The following SEMA6D variants were observed in gnomAD, a reference collection of about 807,000 sequenced individuals.
SEMA6D encodes the protein semaphorin-6D.
A neutral mutation model predicts 106.6 loss-of-function variants in SEMA6D; 35 were observed. That is an observed-to-expected ratio of 0.33 (90% confidence interval 0.25 to 0.44). The LOEUF is 0.44. SEMA6D is among the 20% of genes least tolerant of loss of function. The pLI is 1.00. For synonymous variants in SEMA6D, 499 were observed against 487.7 expected (o/e 1.02, Z -0.31); for missense variants, 1,185 against 1,345.9 (o/e 0.88, Z 1.87).
At chr15:47,247,185 G>A (rs910383805) in intron 1 of SEMA6D, among the ~76,000 whole-genome samples, 1 of 152,190 alleles carries the variant, frequency 6.6e-6, no homozygotes, top group African/African-American at 2.4e-5. Flanking sequence ...GACCTGAAAC[G>A]ACTAATAAGA....
rs548636835 is a variant in SEMA6D at position 47,527,465 on chromosome 15, C to T, written c.-87+56920C>T. Among the ~76,000 whole-genome samples, 420 of 148,090 alleles carry T rather than the reference C, an allele frequency of 2.8e-3. 8 individuals are homozygous for T. The highest frequency in any genetic ancestry group is 0.025 in the Admixed American group (376 of 15,174). On this transcript the variant is annotated intron_variant, in intron 3 of 19. Transcript: ENST00000558014. Reference sequence around the variant, plus strand: ...GATCTAGTTCCAAAAGAAAACCAGCCTTTCAAAGATTTTCTGTGAAATTAA... The same window carrying T: ...GATCTAGTTCCAAAAGAAAACCAGCTTTTCAAAGATTTTCTGTGAAATTAA...
chr15:47,425,467 A>G (rs1048432279), intron 2 of SEMA6D, among the ~76,000 whole-genome samples: 2 of 152,034 alleles, frequency 1.3e-5, no homozygotes, highest in Non-Finnish European at 2.9e-5. Context: ...CTGACCCCCA[A>G]CAGAATCCTA....
chr15:47,301,994 T>G (rs750003410), intron 1 of SEMA6D, among the ~76,000 whole-genome samples: 9 of 152,188 alleles, frequency 5.9e-5, no homozygotes, highest in Non-Finnish European at 1.3e-4. Context: ...AGAAAAAAGT[T>G]GACAATCACA....
At chr15:47,285,312 A>G (rs1832744703) in intron 1 of SEMA6D, among the ~76,000 whole-genome samples, 1 of 152,030 alleles carries the variant, frequency 6.6e-6, no homozygotes, top group Admixed American at 6.6e-5. Context: ...AGTAGAGGAA[A>G]TATATAATCT....
chr15:47,499,044 G>A (rs993514239), intron 3 of SEMA6D, among the ~76,000 whole-genome samples: 5 of 152,164 alleles, frequency 3.3e-5, no homozygotes, highest in Non-Finnish European at 7.4e-5. Context: ...CACTTTTTGT[G>A]CACTTGCTGT....
In SEMA6D at chr15:47,244,719, CA is replaced by C. The variant is rs1192416939; in HGVS notation, c.-239+60302del. On this transcript the variant is annotated intron_variant, in intron 1 of 19. Coordinates refer to the SEMA6D transcript ENST00000558014. Reference sequence around the variant, plus strand: ...ATAACTTCAACTTTTATTTTAGATTCAGGGGGTATATGTGCATGTTTGATAC... The same window carrying C: ...ATAACTTCAACTTTTATTTTAGATTCGGGGGTATATGTGCATGTTTGATAC... 3.3e-5 allele frequency among the ~76,000 whole-genome samples: 5 copies of C among 152,240 alleles called. No individual in the cohort carries two copies. The South Asian group carries it at 8.3e-4, about 25-fold the overall frequency.
chr15:47,298,091 C>T (rs575899680), intron 1 of SEMA6D, among the ~76,000 whole-genome samples: 1 of 152,280 alleles, frequency 6.6e-6, no homozygotes, highest in East Asian at 1.9e-4. Context: ...AACAGGATCA[C>T]TTTAAAAGGG....
Position 47,665,269 on chromosome 15 carries a change from A to C in SEMA6D, c.-55+64373A>C, listed in dbSNP as rs1206263208. ...TCTTTTTTCTTTGCAGCTTTAGATC[A>C]TTTCCTCTACGTTTAATTGTTCTAA... On this transcript the variant is annotated intron_variant, in intron 4 of 19. Coordinates refer to the SEMA6D transcript ENST00000558014. Among the ~76,000 whole-genome samples the C allele has an allele frequency of 2.6e-5, 4 of 152,250 alleles. No homozygotes were observed. In the East Asian group the frequency reaches 7.7e-4, roughly 29 times the overall value.
intron 1 of SEMA6D, among the ~76,000 whole-genome samples, chr15:47,371,016 C>G (rs920034785): frequency 6.6e-6 from 1 of 152,190 alleles, no homozygotes; most frequent in Non-Finnish European, 1.5e-5. Flanking sequence ...CAGTCAGTTC[C>G]TAGATGCTGG....
At chr15:47,640,783 G>A (rs1300652487) in intron 4 of SEMA6D, among the ~76,000 whole-genome samples, 1 of 151,952 alleles carries the variant, frequency 6.6e-6, no homozygotes, top group Admixed American at 6.6e-5. Flanking sequence ...TCCTAATCGT[G>A]TGCACCCAAA....
At chr15:47,213,002 T>C (rs895244907) in intron 1 of SEMA6D, among the ~76,000 whole-genome samples, 7 of 152,206 alleles carry the variant, frequency 4.6e-5, no homozygotes, top group Non-Finnish European at 7.3e-5. Context: ...TCCCTCCTTT[T>C]TGGAACCCGC....
intron 1 of SEMA6D, among the ~76,000 whole-genome samples, chr15:47,296,306 TTCA>T (rs2035799360): frequency 6.6e-6 from 1 of 152,196 alleles, no homozygotes; most frequent in Non-Finnish European, 1.5e-5. Context: ...TAGGCCTAAC[TTCA>T]TCACAGCATG....
chr15:47,649,753 G>T (rs1323731241), intron 4 of SEMA6D, among the ~76,000 whole-genome samples: 1 of 152,162 alleles, frequency 6.6e-6, no homozygotes, highest in Admixed American at 6.5e-5. Context: ...AACAGATGGC[G>T]GTTCAATTTC....
At chr15:47,649,242 C>T (rs1168314500) in intron 4 of SEMA6D, among the ~76,000 whole-genome samples, 1 of 152,050 alleles carries the variant, frequency 6.6e-6, no homozygotes, top group East Asian at 1.9e-4. Flanking sequence ...GCCAGATAGA[C>T]AGATGGAAGA....
intron 1 of SEMA6D, among the ~76,000 whole-genome samples, chr15:47,236,722 A>G (rs1030988960): frequency 6.6e-6 from 1 of 152,166 alleles, no homozygotes; most frequent in Non-Finnish European, 1.5e-5. Context: ...ATCACTTTCT[A>G]TAAAAGGGAA....
At chr15:47,669,655 T>C (rs1171580414) in intron 4 of SEMA6D, among the ~76,000 whole-genome samples, 2 of 152,208 alleles carry the variant, frequency 1.3e-5, no homozygotes, top group African/African-American at 2.4e-5. Context: ...TCCTTATGCA[T>C]AGATATAAAT....
chr15:47,434,330 A>C (rs1380595204), intron 2 of SEMA6D, among the ~76,000 whole-genome samples: 2 of 152,154 alleles, frequency 1.3e-5, no homozygotes, highest in African/African-American at 4.8e-5. Flanking sequence ...AAATGGGTGC[A>C]TTCTGGGTCA....
intron 4 of SEMA6D, among the ~76,000 whole-genome samples, chr15:47,657,485 G>A (rs1476520305): frequency 6.6e-6 from 1 of 151,414 alleles, no homozygotes; most frequent in African/African-American, 2.4e-5. Flanking sequence ...TTTGAACTAG[G>A]GATTACAGGT....
At chr15:47,516,397 C>T (rs2044388672) in intron 3 of SEMA6D, among the ~76,000 whole-genome samples, 1 of 152,128 alleles carries the variant, frequency 6.6e-6, no homozygotes. Context: ...CAGCCCATGG[C>T]ACATCAAAGT....
Sources: gnomAD v4.1 joint callset for allele counts (sites outside exome capture counted in the v4.1 genomes callset) on GRCh38, gnomAD v4.1.1 for gene constraint, MANE v1.5 for transcripts, NCBI Gene and HGNC (gene_info 2026-07-23, HGNC 2026-07-21) for gene names.